Variants in ZNF708 observed in about 807,000 individuals in gnomAD.
The protein encoded by ZNF708 is zinc finger protein 708.
In ZNF708, 44 loss-of-function variants were observed where a neutral mutation model predicts 47.0. That is an observed-to-expected ratio of 0.94 (90% CI 0.74 to 1.20). The LOEUF is 1.20. Among genes scored for constraint, ZNF708 ranks in the 50% most tolerant of loss-of-function variants. ZNF708 has a pLI of 0.00. For missense variants in ZNF708, 557 were observed against 656.0 expected (o/e 0.85, Z 1.65); for synonymous variants, 184 against 218.5 (o/e 0.84, Z 1.39).
intron 1 of ZNF708, among the ~76,000 whole-genome samples, chr19:21,325,731 TAAATA>T (rs1364773891): frequency 6.6e-6 from 1 of 152,032 alleles, no homozygotes; most frequent in East Asian, 1.9e-4. Flanking sequence ...CTAATTAAAT[TAAATA>T]GTTTTTACAC....
At chr19:21,328,746 T>C (rs1271204116) in intron 1 of ZNF708, among the ~76,000 whole-genome samples, 1 of 152,250 alleles carries the variant, frequency 6.6e-6, no homozygotes, top group Non-Finnish European at 1.5e-5. Context: ...AACATACTTT[T>C]GTGCTCTACA....
At chr19:21,326,503 C>G (rs1192860512) in intron 1 of ZNF708, among the ~76,000 whole-genome samples, 5 of 152,102 alleles carry the variant, frequency 3.3e-5, no homozygotes, top group African/African-American at 9.7e-5. Context: ...GGGAGCTAAG[C>G]TATAAGGATG....
intron 1 of ZNF708, among the ~76,000 whole-genome samples, chr19:21,316,304 T>G (rs1973010075): frequency 1.3e-5 from 2 of 151,594 alleles, no homozygotes; most frequent in African/African-American, 4.8e-5. Flanking sequence ...TTTTGTATTT[T>G]TAGTAGAGAC....
chr19:21,318,624 T>C (rs1419464557), intron 1 of ZNF708: 1 of 152,216 alleles, frequency 6.6e-6, no homozygotes, highest in African/African-American at 2.4e-5. Flanking sequence ...CAGAATTTTA[T>C]AAGGTTTCTC....
chr19:21,315,266 G>C (rs1972979341), intron 1 of ZNF708, among the ~76,000 whole-genome samples: 1 of 152,154 alleles, frequency 6.6e-6, no homozygotes, highest in Non-Finnish European at 1.5e-5. Context: ...GTCTCAAAGG[G>C]AGCTGTAGGA....
At chr19:21,304,683 T>C (rs1433785019) in intron 3 of ZNF708, among the ~76,000 whole-genome samples, 1 of 152,122 alleles carries the variant, frequency 6.6e-6, no homozygotes, top group Non-Finnish European at 1.5e-5. Flanking sequence ...GGGACCAGCT[T>C]ACACAACATA....
In ZNF708 at chr19:21,292,755, A is replaced by G. The variant is rs910333934; in HGVS notation, c.*519T>C. 1.3e-5 allele frequency: 2 copies of G among 156,790 alleles called. No individual in the cohort carries two copies. Among genetic ancestry groups the G allele is most frequent in the Admixed American group, 1.2e-4 (2 of 16,196 alleles). The allele number at this position is 156,790 out of a possible 1,614,324, so 9.7% of individuals were successfully genotyped here. ...GATGTTGAGTAAGATGTGAGCAGAC[A>G]TTAATGGCTTTTTCACAGTCTTTAT... is the stretch of plus-strand genomic sequence containing the variant. On this transcript the variant is annotated 3_prime_UTR_variant, in exon 4 of 4. Coordinates refer to ENST00000356929, the MANE Select transcript of ZNF708 (RefSeq NM_021269.3).
At chr19:21,318,672 G>T (rs553509776) in intron 1 of ZNF708, 3 of 152,166 alleles carry the variant, frequency 2.0e-5, no homozygotes, top group Non-Finnish European at 2.9e-5. Flanking sequence ...GCCATTGAAT[G>T]GGGGTTCCAT....
rs1972431815 is a variant in ZNF708 at position 21,293,275 on chromosome 19, TA to T, written c.1690del (p.Ter564AsnfsTer75). ...HTKEKPYKCK* is the reference protein window; with the variant it reads ...HTKEKPYKCKX ...AAATACACTAAAGGATTTGACACAT[TA>T]TTTACATTTGTAGGGTTTCTCTTTG... On this transcript the variant is annotated frameshift_variant and stop_lost, in exon 4 of 4. Coordinates refer to ENST00000356929, the MANE Select transcript of ZNF708 (RefSeq NM_021269.3). LOFTEE classifies it high-confidence loss of function. 2 of 1,600,566 alleles carry T rather than the reference TA, an allele frequency of 1.2e-6. No homozygotes were observed. The highest frequency in any genetic ancestry group is 2.7e-5 in the African/African-American group (2 of 74,032).
chr19:21,293,740 T>A lies in ZNF708; in HGVS notation c.1226A>T (p.Tyr409Phe). 6.2e-7 allele frequency: 1 copy of A among 1,613,420 alleles called. No homozygotes were observed. The part of the protein sequence containing the change: ...KAFTKSSTLT[Y>F]HKVIHTGKKP... ...CTTTCCAGTATGAATTACCTTATGA[T>A]AAGTAAGAGTTGAGGACTTGGTAAA... The change falls in exon 4 of 4, where the codon TAT becomes TTT. Residue 409 changes from tyrosine (Y) to phenylalanine (F), a missense_variant. Transcript: ENST00000356929.
rs772885147 is a variant in ZNF708 at position 21,329,196 on chromosome 19, G to C, written c.3+14C>G. The stretch of plus-strand genomic sequence containing the variant: ...GCCCTTCCCCTCTCTCGGGATGTCG[G>C]ACGGCACTCTCACCATTTCTAGGCT... On this transcript the variant is annotated intron_variant, in intron 1 of 3. Transcript: ENST00000356929. 3 of 1,612,264 alleles carry C rather than the reference G, an allele frequency of 1.9e-6. No homozygotes were observed. The highest frequency in any genetic ancestry group is 1.1e-5 in the South Asian group (1 of 91,076).
intron 1 of ZNF708, among the ~76,000 whole-genome samples, chr19:21,324,584 A>AG (rs938205101): frequency 6.6e-5 from 10 of 152,166 alleles, no homozygotes; most frequent in African/African-American, 2.4e-4. Flanking sequence ...TAAAAAAAAA[A>AG]TCCAGCAGTT....
Position 21,309,291 on chromosome 19 carries a change from CT to C in ZNF708, c.180del (p.Glu61SerfsTer5). The C allele has an allele frequency of 6.2e-7, 1 of 1,604,362 alleles. No homozygotes were observed. Among genetic ancestry groups the C allele is most frequent in the African/African-American group, 1.3e-5 (1 of 74,686 alleles). ...LDLITCLEQG[K>X]EPWNMKRHEM... The stretch of plus-strand genomic sequence containing the variant: ...TCGTGTCTCTTCATATTCCAGGGCT[CT>C]TTTCCTTGCTCCAGACAGGTGATCA... On this transcript the variant is annotated frameshift_variant, in exon 3 of 4. Transcript: ENST00000356929. LOFTEE classifies it high-confidence loss of function.
chr19:21,326,895 T>C (rs1973266655), intron 1 of ZNF708, among the ~76,000 whole-genome samples: 1 of 151,956 alleles, frequency 6.6e-6, no homozygotes, highest in Non-Finnish European at 1.5e-5. Context: ...GATTGTGCCA[T>C]TGCACTCCAG....
At chr19:21,300,407 G>A (rs766579085) in intron 3 of ZNF708, among the ~76,000 whole-genome samples, 3 of 151,370 alleles carry the variant, frequency 2.0e-5, no homozygotes, top group Non-Finnish European at 4.4e-5. Context: ...TCGGGAGGCT[G>A]AGGCAAGAGA....
At chr19:21,313,325 G>C in intron 1 of ZNF708, among the ~76,000 whole-genome samples, 1 of 151,312 alleles carries the variant, frequency 6.6e-6, no homozygotes, top group Non-Finnish European at 1.5e-5. Flanking sequence ...AGAGCACTGT[G>C]CTGGGAATAA....
At chr19:21,316,577 C>T (rs1041979336) in intron 1 of ZNF708, among the ~76,000 whole-genome samples, 1 of 152,166 alleles carries the variant, frequency 6.6e-6, no homozygotes. Context: ...ATTCTCATGT[C>T]TACATATCTA....
intron 1 of ZNF708, among the ~76,000 whole-genome samples, chr19:21,326,495 G>A (rs1274274811): frequency 6.6e-6 from 1 of 152,180 alleles, no homozygotes; most frequent in East Asian, 1.9e-4. Context: ...TGTTATGTGG[G>A]AGCTAAGCTA....
chr19:21,303,796 T>C (rs560683440), intron 3 of ZNF708, among the ~76,000 whole-genome samples: 1 of 151,930 alleles, frequency 6.6e-6, no homozygotes, highest in South Asian at 2.1e-4. Flanking sequence ...TTTAGTCAAG[T>C]ACTAGCATGA....
Sources: allele counts gnomAD v4.1 joint callset (sites outside exome capture counted in the v4.1 genomes callset), GRCh38; gene constraint gnomAD v4.1.1; transcripts MANE v1.5; gene names NCBI Gene and HGNC (gene_info 2026-07-23, HGNC 2026-07-21).